Variants in SPRY3 observed in about 807,000 individuals in gnomAD.
SPRY3 encodes sprouty RTK signaling antagonist 3, also known as protein sprouty homolog 3.
A neutral mutation model predicts 20.2 loss-of-function variants in SPRY3; 15 were observed. That is an observed-to-expected ratio of 0.74 (90% confidence interval 0.50 to 1.14). SPRY3 has a LOEUF of 1.14. Ranked by LOEUF, SPRY3 falls within the 50% of genes most tolerant of loss-of-function variation. SPRY3 has a pLI of 0.00. For missense variants in SPRY3, 364 were observed against 363.9 expected, an observed-to-expected ratio of 1.00 and a Z score of 0.00; for synonymous variants, 143 against 136.5, an observed-to-expected ratio of 1.05 and a Z score of -0.33.
chrX:155,738,927 G>A (rs1169934658), intron 2 of SPRY3, among the ~76,000 whole-genome samples: 1 of 152,192 alleles, frequency 6.6e-6, no homozygotes, highest in South Asian at 2.1e-4. Flanking sequence ...GCATTGTTCT[G>A]TGGGCCCCAC....
At chrX:155,744,585 G>A (rs2091217358) in intron 2 of SPRY3, among the ~76,000 whole-genome samples, 1 of 151,932 alleles carries the variant, frequency 6.6e-6, no homozygotes, top group Non-Finnish European at 1.5e-5. Context: ...ATGCTGTACA[G>A]AAAAATACTA....
At chrX:155,757,214 C>G (rs2091286783) in intron 2 of SPRY3, among the ~76,000 whole-genome samples, 1 of 152,104 alleles carries the variant, frequency 6.6e-6, no homozygotes, top group Admixed American at 6.6e-5. Flanking sequence ...CTAATCTTCC[C>G]TCACCCTTCC....
intron 2 of SPRY3, among the ~76,000 whole-genome samples, chrX:155,683,563 T>C (rs746959962): frequency 1.8e-5 from 2 of 112,388 alleles, no homozygotes; most frequent in Non-Finnish European, 3.8e-5. Flanking sequence ...AACCTTTACA[T>C]GTACTGGGAA....
At chrX:155,657,643 A>C (rs782594710) in intron 2 of SPRY3, among the ~76,000 whole-genome samples, 1 of 111,625 alleles carries the variant, frequency 9.0e-6, no homozygotes, top group Admixed American at 9.4e-5. Flanking sequence ...CTGGGGTTCC[A>C]GGCGCCACTG....
At chrX:155,716,060 G>A (rs2091020072) in intron 2 of SPRY3, among the ~76,000 whole-genome samples, 1 of 152,130 alleles carries the variant, frequency 6.6e-6, no homozygotes, top group Non-Finnish European at 1.5e-5. Flanking sequence ...TGGTTCTTGT[G>A]ATGGTGCTTT....
chrX:155,773,880 TG>T lies in SPRY3; in HGVS notation c.10del (p.Ala4ArgfsTer2), dbSNP rs971841453. On this transcript the variant is annotated frameshift_variant, in exon 4 of 4. Transcript: ENST00000675360. LOFTEE classifies it high-confidence loss of function. ...TAAAAAATCAAGGCAAAATGGATGC[TG>T]CGGTGACAGATGATTTTCAACAAAT... is the stretch of plus-strand genomic sequence containing the variant. 6.2e-7 allele frequency: 1 copy of T among 1,613,448 alleles called. No individual in the cohort carries two copies. The highest frequency in any genetic ancestry group is 8.5e-7 in the Non-Finnish European group (1 of 1,179,476).
At chrX:155,769,580 T>G (rs774077343) in intron 3 of SPRY3, among the ~76,000 whole-genome samples, 5 of 152,282 alleles carry the variant, frequency 3.3e-5, no homozygotes, top group South Asian at 2.1e-4. Flanking sequence ...ACAACCAGCT[T>G]CTTCTTACAA....
chrX:155,703,740 C>T (rs2090928079), intron 2 of SPRY3, among the ~76,000 whole-genome samples: 2 of 151,022 alleles, frequency 1.3e-5, no homozygotes, highest in Non-Finnish European at 1.5e-5. Flanking sequence ...CCTGCTTTCT[C>T]TTGTAGGCAT....
intron 2 of SPRY3, among the ~76,000 whole-genome samples, chrX:155,728,994 A>G (rs957936347): frequency 1.3e-5 from 2 of 152,198 alleles, no homozygotes; most frequent in Non-Finnish European, 2.9e-5. Flanking sequence ...ATATAATGAT[A>G]ATAGGGTCAA....
At chrX:155,713,515 T>C (rs1289387001) in intron 2 of SPRY3, among the ~76,000 whole-genome samples, 1 of 151,772 alleles carries the variant, frequency 6.6e-6, no homozygotes, top group Non-Finnish European at 1.5e-5. Flanking sequence ...TCAACACTTA[T>C]ATCATGCCAC....
rs77728055 is a variant in SPRY3, at chrX:155,630,232, A to G, written c.-441+17585A>G. Among the ~76,000 whole-genome samples, 991 of 112,027 alleles carry G rather than the reference A, an allele frequency of 8.8e-3. 48 individuals carry two copies. In the East Asian group the frequency reaches 0.2, roughly 22 times the overall value. ...TTATATTTGATAATTTAGTCCTTCA[A>G]TCGCCATACTAAACATATGAGTGAT... is the stretch of plus-strand genomic sequence containing the variant. On this transcript the variant is annotated intron_variant, in intron 1 of 3. Transcript: ENST00000675360.
intron 2 of SPRY3, among the ~76,000 whole-genome samples, chrX:155,695,266 T>C (rs1289310127): frequency 9.0e-6 from 1 of 111,597 alleles, no homozygotes; most frequent in Non-Finnish European, 1.9e-5. Context: ...AGATTGATCA[T>C]TTTTTCTTTC....
At chrX:155,634,030 G>A (rs782734182) in intron 1 of SPRY3, among the ~76,000 whole-genome samples, 5 of 109,866 alleles carry the variant, frequency 4.6e-5, no homozygotes, top group Admixed American at 1.9e-4. Flanking sequence ...GCAGTGAGCC[G>A]AGGTCACGCC....
intron 2 of SPRY3, among the ~76,000 whole-genome samples, chrX:155,736,375 A>G (rs2091169526): frequency 6.6e-6 from 1 of 151,890 alleles, no homozygotes; most frequent in African/African-American, 2.4e-5. Context: ...AGACAAGCCT[A>G]CTGGTGACAC....
At chrX:155,772,390 C>T (rs973490020) in intron 3 of SPRY3, among the ~76,000 whole-genome samples, 4 of 152,104 alleles carry the variant, frequency 2.6e-5, no homozygotes, top group Admixed American at 6.5e-5. Context: ...CTTATGGAAA[C>T]GTAATCAAGC....
intron 1 of SPRY3, among the ~76,000 whole-genome samples, chrX:155,646,320 G>C (rs1266983207): frequency 8.9e-6 from 1 of 111,965 alleles, no homozygotes; most frequent in Non-Finnish European, 1.9e-5. Flanking sequence ...TTCTATTTCT[G>C]TAAAAAATGT....
At chrX:155,705,072 A>G (rs2090940830) in intron 2 of SPRY3, among the ~76,000 whole-genome samples, 1 of 151,718 alleles carries the variant, frequency 6.6e-6, no homozygotes, top group African/African-American at 2.4e-5. Context: ...CAAGGAAATA[A>G]AGAGTGCTGG....
intron 2 of SPRY3, among the ~76,000 whole-genome samples, chrX:155,738,503 C>A (rs1419309394): frequency 2.6e-5 from 4 of 152,110 alleles, no homozygotes; most frequent in Non-Finnish European, 4.4e-5. Flanking sequence ...GTGAATTCTG[C>A]ACCTTCAACT....
chrX:155,640,432 A>G (rs2067936966), intron 1 of SPRY3, among the ~76,000 whole-genome samples: 1 of 112,627 alleles, frequency 8.9e-6, no homozygotes, highest in Non-Finnish European at 1.9e-5. Context: ...GTGGGCAACC[A>G]CAGCTGCAGA....
Sources: allele counts gnomAD v4.1 joint callset (sites outside exome capture counted in the v4.1 genomes callset), GRCh38; gene constraint gnomAD v4.1.1; transcripts MANE v1.5; gene names NCBI Gene and HGNC (gene_info 2026-07-23, HGNC 2026-07-21).